Variants in CNTN2 observed in about 807,000 individuals in gnomAD.
CNTN2 encodes the protein contactin 2, also known as contactin-2.
CNTN2 carries 53 observed loss-of-function variants against 117.5 expected under a neutral mutation model. The observed-to-expected ratio is 0.45, with a 90% confidence interval of 0.36 to 0.57. The LOEUF (loss-of-function observed/expected upper bound fraction) is 0.57. Ranked by LOEUF, CNTN2 falls within the 20% of genes least tolerant of loss-of-function variation. CNTN2 has a pLI of 0.00. For missense variants in CNTN2, 1,106 were observed against 1,404.3 expected (o/e 0.79, Z 3.39); for synonymous variants, 530 against 561.7 (o/e 0.94, Z 0.80).
chr1:205,047,844 C>T (rs998882707), intron 1 of CNTN2, among the ~76,000 whole-genome samples: 1 of 152,162 alleles, frequency 6.6e-6, no homozygotes, highest in Non-Finnish European at 1.5e-5. Flanking sequence ...TGGTGCTGAC[C>T]TCACAGCAGC....
chr1:205,063,277 A>G (rs1654085219), intron 10 of CNTN2: 1 of 152,236 alleles, frequency 6.6e-6, no homozygotes, highest in African/African-American at 2.4e-5. Flanking sequence ...GAAAGGGACA[A>G]ATAAACCCCA....
In CNTN2 at chr1:205,065,259, TGTG is replaced by T. The variant is rs755159419; in HGVS notation, c.1695+1_1695+3del. The T allele has an allele frequency of 6.2e-7, 1 of 1,614,128 alleles. No homozygotes were observed. The highest frequency in any genetic ancestry group is 1.1e-5 in the South Asian group (1 of 91,084). ...CTGGAGGGCACTACCGGAGAACTAA[TGTG>T]GTGAGACCTAGGGCCAGAGCCCCAT... On this transcript the variant is annotated inframe_deletion and splice_region_variant, in exon 13 of 23. Coordinates refer to ENST00000331830, the MANE Select transcript of CNTN2 (RefSeq NM_005076.5). This position sits in a 1 kb window ranked among gnomAD's most constrained non-coding sequence, Gnocchi z 4.1.
At chr1:205,072,432 G>C in intron 20 of CNTN2, 51 bp from the exon 21 acceptor site, 1 of 1,492,042 alleles carries the variant, frequency 6.7e-7, no homozygotes, top group Non-Finnish European at 9.3e-7. Context: ...GAGGGGGTGC[G>C]GGGTGCCAGG....
In CNTN2 at chr1:205,043,269, G is replaced by C. The variant is rs1285178756; in HGVS notation, c.-212G>C. 5 of 152,790 alleles carry C rather than the reference G, an allele frequency of 3.3e-5. No homozygotes were observed. The South Asian group carries it at 9.8e-4, about 30-fold the overall frequency. The allele number at this position is 152,790 out of a possible 1,614,324, so 9.5% of individuals were successfully genotyped here. On this transcript the variant is annotated 5_prime_UTR_variant, in exon 1 of 23. Transcript: ENST00000331830. ...GCGGCCGCCGCCGCACCCGGACAGC[G>C]AGCGGCTGAGGCCGCCAGGGCCCAA... is the stretch of plus-strand genomic sequence containing the variant.
Position 205,061,289 on chromosome 1 carries a change from C to A in CNTN2, c.842C>A (p.Ser281Tyr), listed in dbSNP as rs1183479352. ...TGGCGCAAAGTGGACGGCTCCCTGT[C>A]CCCGCAGTGGACCACAGCTGAGCCC... ...IKWRKVDGSL[S>Y]PQWTTAEPTL... The change falls in exon 8 of 23, where the codon TCC becomes TAC. Residue 281 changes from serine (S) to tyrosine (Y), a missense_variant. Coordinates refer to ENST00000331830, the MANE Select transcript of CNTN2 (RefSeq NM_005076.5). The surrounding 1 kb of genome is among the most constrained non-coding windows in gnomAD (Gnocchi z 4.8). 6 of 1,613,968 alleles carry A rather than the reference C, an allele frequency of 3.7e-6. No homozygotes were observed. The highest frequency in any genetic ancestry group is 5.1e-6 in the Non-Finnish European group (6 of 1,179,900).
intron 1 of CNTN2, among the ~76,000 whole-genome samples, chr1:205,045,647 T>C (rs937252251): frequency 6.6e-6 from 1 of 152,128 alleles, no homozygotes; most frequent in African/African-American, 2.4e-5. Flanking sequence ...GTGGTATTTG[T>C]ATTTTTGGAG....
At position 205,076,639 on chromosome 1, in the gene CNTN2, T is replaced by C. The variant is rs1654877554; in HGVS notation, c.*2874T>C. ...CTGGGGACTAGGAAAAGGAACCAACTGTAGGCACCTCTCCAGGGCCTAGGG... is the reference window on the plus strand; with the variant it reads ...CTGGGGACTAGGAAAAGGAACCAACCGTAGGCACCTCTCCAGGGCCTAGGG... On this transcript the variant is annotated 3_prime_UTR_variant, in exon 23 of 23. Transcript: ENST00000331830. 6.6e-6 allele frequency: 1 copy of C among 152,174 alleles called. No individual in the cohort carries two copies. The highest frequency in any genetic ancestry group is 1.5e-5 in the Non-Finnish European group (1 of 68,056). The allele number at this position is 152,174 out of a possible 1,614,324, so 9.4% of individuals were successfully genotyped here.
intron 17 of CNTN2, 26 bp from the exon 18 acceptor site, chr1:205,069,801 G>A: frequency 2.5e-6 from 4 of 1,603,580 alleles, no homozygotes; most frequent in South Asian, 1.1e-5. Context: ...GCGGACCCTC[G>A]CCCATGCCAT....
At chr1:205,069,064 GTTAT>G (rs1397022281) in intron 16 of CNTN2, 1 of 158,730 alleles carries the variant, frequency 6.3e-6, no homozygotes, top group East Asian at 1.8e-4. Context: ...GCAGTTCTGG[GTTAT>G]TTATTCCCCT....
intron 1 of CNTN2, among the ~76,000 whole-genome samples, chr1:205,052,143 C>A (rs1397107121): frequency 6.6e-6 from 1 of 152,150 alleles, no homozygotes; most frequent in Non-Finnish European, 1.5e-5. Context: ...GAATCTGCAG[C>A]CGGGCTCGCT....
chr1:205,058,223 C>T lies in CNTN2; in HGVS notation c.258C>T (p.Ser86=). ...NGTEMKLEPG[S]RHQLVGGNLV... ...CCGAGATGAAGCTGGAGCCAGGTTC[C>T]CGTCACCAGCTGGTGGGGGGCAACC... Residue 86 remains serine (S), a synonymous_variant, in exon 4 of 23, where the codon TCC becomes TCT. Transcript: ENST00000331830. This position sits in a 1 kb window ranked among gnomAD's most constrained non-coding sequence, Gnocchi z 4.3. 6.4e-7 allele frequency: 1 copy of T among 1,572,756 alleles called. No individual in the cohort carries two copies. Among genetic ancestry groups the T allele is most frequent in the South Asian group, 1.2e-5 (1 of 83,314 alleles).
intron 17 of CNTN2, 95 bp downstream of exon 17, chr1:205,069,656 ACG>A: frequency 6.8e-7 from 1 of 1,461,196 alleles, no homozygotes; most frequent in Non-Finnish European, 9.4e-7. Context: ...TCTGACTCAA[ACG>A]CGGATAACTT....
In CNTN2 at chr1:205,061,582, T is replaced by C; in HGVS notation, c.973+162T>C. ...CACTGAGTCTGGGACCAGAGGAGGCTAGTGCTGTGGTCACCTCAGAGCTTC... is the reference window on the plus strand; with the variant it reads ...CACTGAGTCTGGGACCAGAGGAGGCCAGTGCTGTGGTCACCTCAGAGCTTC... On this transcript the variant is annotated intron_variant, in intron 8 of 22. Coordinates refer to ENST00000331830, the MANE Select transcript of CNTN2 (RefSeq NM_005076.5). The surrounding 1 kb of genome is among the most constrained non-coding windows in gnomAD (Gnocchi z 4.8). 1 of 899,334 alleles carries C rather than the reference T, an allele frequency of 1.1e-6. No homozygotes were observed. Among genetic ancestry groups the C allele is most frequent in the South Asian group, 1.8e-5 (1 of 55,174 alleles). 55.7% of individuals were successfully genotyped at this position (899,334 alleles called of 1,614,324 possible). A position where few individuals can be genotyped will look rare whatever the true frequency, so the allele number is the denominator to read the frequency against.
rs377574302 is a variant in CNTN2 at position 205,065,069 on chromosome 1, C to A, written c.1520-18C>A. On this transcript the variant is annotated intron_variant, in intron 12 of 22. Coordinates refer to ENST00000331830, the MANE Select transcript of CNTN2 (RefSeq NM_005076.5). This position sits in a 1 kb window ranked among gnomAD's most constrained non-coding sequence, Gnocchi z 4.1. Reference sequence around the variant, plus strand: ...ATTTCCTCCCCCATCCACCCAAGGGCCTTGTTTTTCTTGGCAGATGCAACC... The same window carrying A: ...ATTTCCTCCCCCATCCACCCAAGGGACTTGTTTTTCTTGGCAGATGCAACC... 2 of 1,613,334 alleles carry A rather than the reference C, an allele frequency of 1.2e-6. No homozygotes were observed. The highest frequency in any genetic ancestry group is 1.7e-5 in the Admixed American group (1 of 59,984).
rs2151200488 is a variant in CNTN2, at chr1:205,072,666, G to A, written c.2844+71G>A. ...TCTGTGTTTCCAGTGAACATAAGCA[G>A]CAGCAATTTATAGCAAGAGGCATCT... On this transcript the variant is annotated intron_variant, in intron 21 of 22. Transcript: ENST00000331830. 4 of 1,180,074 alleles carry A rather than the reference G, an allele frequency of 3.4e-6. No homozygotes were observed. In the South Asian group the frequency reaches 5.0e-5, roughly 15 times the overall value. 73.1% of individuals were successfully genotyped at this position (1,180,074 alleles called of 1,614,324 possible).
rs535157604 is a variant in CNTN2 at position 205,064,859 on chromosome 1, C to T, written c.1519+109C>T. On this transcript the variant is annotated intron_variant, in intron 12 of 22. Coordinates refer to ENST00000331830, the MANE Select transcript of CNTN2 (RefSeq NM_005076.5). Reference sequence around the variant, plus strand: ...TGCTCCTAGTTTGGTGTCAAGGCCACCCCAGGATTCAGTTTTGCTTGGGAC... The same window carrying T: ...TGCTCCTAGTTTGGTGTCAAGGCCATCCCAGGATTCAGTTTTGCTTGGGAC... 1.9e-5 allele frequency: 28 copies of T among 1,489,586 alleles called. No individual in the cohort carries two copies. In the African/African-American group the frequency reaches 3.5e-4, roughly 18 times the overall value. 92.3% of individuals were successfully genotyped at this position (1,489,586 alleles called of 1,614,324 possible).
rs1033924401 is a variant in CNTN2 at position 205,074,580 on chromosome 1, G to A, written c.*815G>A. On this transcript the variant is annotated 3_prime_UTR_variant, in exon 23 of 23. Coordinates refer to ENST00000331830, the MANE Select transcript of CNTN2 (RefSeq NM_005076.5). Reference sequence around the variant, plus strand: ...ACAGCGCCACTTCAGGTGGCTGGGTGACTAAAGGGCTTGTCTTGGTGGGGT... The same window carrying A: ...ACAGCGCCACTTCAGGTGGCTGGGTAACTAAAGGGCTTGTCTTGGTGGGGT... 3 of 398,504 alleles carry A rather than the reference G, an allele frequency of 7.5e-6. No individual in the cohort carries two copies. Among genetic ancestry groups the A allele is most frequent in the African/African-American group, 6.2e-5 (3 of 48,642 alleles). 24.7% of individuals were successfully genotyped at this position (398,504 alleles called of 1,614,324 possible).
At chr1:205,068,815 C>T (rs886213759) in intron 16 of CNTN2, 2 of 152,218 alleles carry the variant, frequency 1.3e-5, no homozygotes, top group African/African-American at 4.8e-5. Context: ...GAAAAATCTC[C>T]AGCTGCTGGA....
In CNTN2 at chr1:205,077,008, G is replaced by A. The variant is rs990121122; in HGVS notation, c.*3243G>A. 3 of 152,204 alleles carry A rather than the reference G, an allele frequency of 2.0e-5. No homozygotes were observed. The highest frequency in any genetic ancestry group is 4.4e-5 in the Non-Finnish European group (3 of 68,064). The allele number at this position is 152,204 out of a possible 1,614,324, so 9.4% of individuals were successfully genotyped here. On this transcript the variant is annotated 3_prime_UTR_variant, in exon 23 of 23. Transcript: ENST00000331830. ...CCAGGAGGCCCTGGAATAAGGAAGAGGCTTCTTTCTGAGGGAGCTTTGAGG... is the reference window on the plus strand; with the variant it reads ...CCAGGAGGCCCTGGAATAAGGAAGAAGCTTCTTTCTGAGGGAGCTTTGAGG...
Sources: allele counts gnomAD v4.1 joint callset (sites outside exome capture counted in the v4.1 genomes callset), GRCh38; gene constraint gnomAD v4.1.1; non-coding constraint Gnocchi (gnomAD v3.1); transcripts MANE v1.5; gene names NCBI Gene and HGNC (gene_info 2026-07-23, HGNC 2026-07-21).